SMYD3: variants seen among roughly 807,000 people sequenced by gnomAD.
SMYD3 encodes the protein histone-lysine N-methyltransferase SMYD3.
SMYD3 carries 36 observed loss-of-function variants against 57.7 expected under a neutral mutation model. The ratio of observed to expected loss-of-function variants is 0.62; its 90% CI spans 0.48 to 0.82. The LOEUF (loss-of-function observed/expected upper bound fraction) is 0.82. Among genes scored for constraint, SMYD3 ranks in the 40% least tolerant of loss-of-function variants. SMYD3 has a pLI of 0.00. For missense variants in SMYD3, 515 were observed against 538.8 expected (o/e 0.96, Z 0.44); for synonymous variants, 211 against 195.0 (o/e 1.08, Z -0.68).
intron 5 of SMYD3, among the ~76,000 whole-genome samples, chr1:246,196,641 T>A (rs966892438): frequency 5.3e-5 from 8 of 152,208 alleles, no homozygotes; most frequent in Non-Finnish European, 1.5e-5. Flanking sequence ...CAATACAACA[T>A]TCTTTCCCCA....
chr1:246,026,461 A>G (rs892382140), intron 5 of SMYD3, among the ~76,000 whole-genome samples: 1 of 152,198 alleles, frequency 6.6e-6, no homozygotes, highest in African/African-American at 2.4e-5. Flanking sequence ...AGGTTTGTGA[A>G]TCCTTTGTTG....
intron 5 of SMYD3, among the ~76,000 whole-genome samples, chr1:245,935,718 T>C (rs2056955864): frequency 6.6e-6 from 1 of 152,148 alleles, no homozygotes; most frequent in African/African-American, 2.4e-5. Flanking sequence ...AAGAAGGAAA[T>C]TCTGTCATTT....
At chr1:245,848,234 G>C (rs2050765088) in intron 10 of SMYD3, among the ~76,000 whole-genome samples, 1 of 151,866 alleles carries the variant, frequency 6.6e-6, no homozygotes, top group Non-Finnish European at 1.5e-5. Context: ...CCTCTGAGTA[G>C]CTGGAACTAT....
chr1:246,194,941 C>G (rs2062808085), intron 5 of SMYD3, among the ~76,000 whole-genome samples: 1 of 152,166 alleles, frequency 6.6e-6, no homozygotes, highest in South Asian at 2.1e-4. Flanking sequence ...AACTACAATC[C>G]ATATACGTGT....
intron 1 of SMYD3, among the ~76,000 whole-genome samples, chr1:246,403,461 ACCAAGAAAAATATATC>A (rs796332546): frequency 6.6e-6 from 1 of 152,338 alleles, no homozygotes; most frequent in African/African-American, 2.4e-5. Flanking sequence ...GGTTGCACAT[ACCAAGAAAAATATATC>A]CCAGTTTCCT....
chr1:246,503,644 T>C (rs1005890457), intron 1 of SMYD3, among the ~76,000 whole-genome samples: 8 of 152,118 alleles, frequency 5.3e-5, no homozygotes, highest in Non-Finnish European at 1.0e-4. Flanking sequence ...AAATTAAAAA[T>C]GCATGCAACG....
chr1:245,832,147 A>C (rs1360620072), intron 10 of SMYD3, among the ~76,000 whole-genome samples: 4 of 152,182 alleles, frequency 2.6e-5, no homozygotes, highest in Non-Finnish European at 5.9e-5. Flanking sequence ...AGCCTGGCTC[A>C]ATAATGCCTG....
At chr1:245,958,473 A>T (rs1425865025) in intron 5 of SMYD3, among the ~76,000 whole-genome samples, 2 of 152,062 alleles carry the variant, frequency 1.3e-5, no homozygotes, top group Non-Finnish European at 2.9e-5. Context: ...AGGCTCTTTC[A>T]TTCGTGTGAC....
chr1:246,255,982 ATAGATAC>A, intron 5 of SMYD3, among the ~76,000 whole-genome samples: 6 of 152,042 alleles, frequency 3.9e-5, no homozygotes, highest in African/African-American at 1.4e-4. Flanking sequence ...AGATAGATAG[ATAGATAC>A]ACACACACAT....
chr1:246,349,644 A>C (rs192723323), intron 2 of SMYD3, among the ~76,000 whole-genome samples: 10 of 152,296 alleles, frequency 6.6e-5, no homozygotes, highest in Admixed American at 5.9e-4. Context: ...AGCAGGAATT[A>C]AAAGTATTTT....
At chr1:246,165,572 A>G (rs2062194489) in intron 5 of SMYD3, among the ~76,000 whole-genome samples, 1 of 152,082 alleles carries the variant, frequency 6.6e-6, no homozygotes. Context: ...TGAAGGGTTA[A>G]AAGTCGTCGA....
chr1:245,782,109 C>T (rs774273897), intron 10 of SMYD3, among the ~76,000 whole-genome samples: 3 of 152,296 alleles, frequency 2.0e-5, no homozygotes, highest in Middle Eastern at 3.4e-3. Flanking sequence ...GTTCTTTACC[C>T]TCCCTCTAAA....
At chr1:245,851,869 A>G (rs1367374437) in intron 10 of SMYD3, among the ~76,000 whole-genome samples, 1 of 152,188 alleles carries the variant, frequency 6.6e-6, no homozygotes, top group Non-Finnish European at 1.5e-5. Context: ...GAAACACTAT[A>G]GAGATGTATG....
At chr1:246,106,250 C>A (rs1242916250) in intron 5 of SMYD3, among the ~76,000 whole-genome samples, 1 of 152,170 alleles carries the variant, frequency 6.6e-6, no homozygotes, top group Non-Finnish European at 1.5e-5. Context: ...ACAGGAGAAT[C>A]CTCCTCAAAA....
chr1:246,131,115 T>G (rs778048179), intron 5 of SMYD3, among the ~76,000 whole-genome samples: 1 of 152,172 alleles, frequency 6.6e-6, no homozygotes, highest in Non-Finnish European at 1.5e-5. Flanking sequence ...GTTCTACTTT[T>G]CCCATGAAGA....
intron 1 of SMYD3, among the ~76,000 whole-genome samples, chr1:246,378,422 A>G (rs933823575): frequency 5.3e-5 from 8 of 151,938 alleles, no homozygotes; most frequent in African/African-American, 1.9e-4. Context: ...AGCTGCCAGC[A>G]CAGCTAGAAT....
At chr1:246,504,057 C>G (rs762773429) in intron 1 of SMYD3, among the ~76,000 whole-genome samples, 3 of 151,394 alleles carry the variant, frequency 2.0e-5, no homozygotes, top group Non-Finnish European at 4.4e-5. Context: ...AGGCACAACA[C>G]GGAAAAACCA....
At chr1:245,917,128 T>C (rs1279918882) in intron 7 of SMYD3, among the ~76,000 whole-genome samples, 1 of 151,860 alleles carries the variant, frequency 6.6e-6, no homozygotes, top group Non-Finnish European at 1.5e-5. Context: ...CTCCCAGGTT[T>C]GGGTGATCCT....
intron 10 of SMYD3, among the ~76,000 whole-genome samples, chr1:245,818,436 A>G (rs1269360861): frequency 6.6e-6 from 1 of 152,178 alleles, no homozygotes. Flanking sequence ...GCCACTGCAA[A>G]ATCATGCCAA....
Sources: gnomAD v4.1 joint callset for allele counts (sites outside exome capture counted in the v4.1 genomes callset) on GRCh38, gnomAD v4.1.1 for gene constraint, MANE v1.5 for transcripts, NCBI Gene and HGNC (gene_info 2026-07-23, HGNC 2026-07-21) for gene names.